Variants in PAICS observed in about 807,000 individuals in gnomAD.
PAICS encodes bifunctional phosphoribosylaminoimidazole carboxylase/phosphoribosylaminoimidazole succinocarboxamide synthetase.
In PAICS, 33 loss-of-function variants were observed where a neutral mutation model predicts 53.7. The observed-to-expected ratio is 0.61, with a 90% CI of 0.47 to 0.82. The LOEUF (loss-of-function observed/expected upper bound fraction) is 0.82, where lower values mean the gene tolerates loss of function less well. Ranked by LOEUF, PAICS falls within the 40% of genes least tolerant of loss-of-function variation. The pLI is 0.00. For synonymous variants in PAICS, 141 were observed against 167.2 expected (o/e 0.84, Z 1.21); for missense variants, 394 against 494.1 (o/e 0.80, Z 1.92).
At chr4:56,430,784 A>G (rs529587828), upstream of PAICS, among the ~76,000 whole-genome samples, 2 of 151,812 alleles carry the variant, frequency 1.3e-5, no homozygotes, top group African/African-American at 4.8e-5. Flanking sequence ...CTTACAATAT[A>G]TAAGTCTAGG....
intron 1 of PAICS, among the ~76,000 whole-genome samples, chr4:56,437,393 T>C (rs1261486163): frequency 1.3e-5 from 2 of 152,094 alleles, no homozygotes; most frequent in Non-Finnish European, 2.9e-5. Flanking sequence ...GTTCTTGCTA[T>C]TTATGCTGGA....
intron 2 of PAICS, among the ~76,000 whole-genome samples, chr4:56,446,115 CTGATA>C (rs1486442634): frequency 1.3e-5 from 2 of 152,068 alleles, no homozygotes; most frequent in Non-Finnish European, 2.9e-5. Flanking sequence ...AAATAGGCTC[CTGATA>C]TTTTTTAAAA....
chr4:56,420,162 A>G, the PAICS span: 1 of 213,516 alleles, frequency 4.7e-6, no homozygotes, highest in African/African-American at 2.4e-5. Context: ...ACTTTTTCAG[A>G]TTTTAGAGTA....
chr4:56,447,913 T>C (rs780358939), intron 3 of PAICS, among the ~76,000 whole-genome samples: 13 of 152,118 alleles, frequency 8.5e-5, no homozygotes, highest in Non-Finnish European at 1.9e-4. Flanking sequence ...CAGGCTGCTC[T>C]TGAACTCCTA....
chr4:56,452,043 G>T lies in PAICS; in HGVS notation c.943G>T (p.Glu315Ter), dbSNP rs762798410. The T allele has an allele frequency of 6.3e-7, 1 of 1,596,972 alleles. No homozygotes were observed. The highest frequency in any genetic ancestry group is 2.2e-5 in the East Asian group (1 of 44,690). Residue 315 changes from glutamate to a stop codon, truncating the protein, a stop_gained, in exon 7 of 9, where the codon GAG (glutamate) becomes TAG (stop). Transcript: ENST00000512576. LOFTEE classifies it high-confidence loss of function. Reference protein sequence around the residue: ...GPDETLRIKAEYEGDGIPTVF... With the variant: ...GPDETLRIKA ...AGATGAAACTCTGAGGATTAAAGCT[G>T]AGTATGAAGGTAAACCACAAGTAAT...
chr4:56,445,753 T>TA (rs1465145368), intron 2 of PAICS, among the ~76,000 whole-genome samples: 1 of 152,210 alleles, frequency 6.6e-6, no homozygotes, highest in Non-Finnish European at 1.5e-5. Flanking sequence ...TAATAAAAGT[T>TA]AGACTAGAGG....
the PAICS span, among the ~76,000 whole-genome samples, chr4:56,428,584 T>A: frequency 6.6e-6 from 1 of 152,082 alleles, no homozygotes; most frequent in South Asian, 2.1e-4. Context: ...GAAAACCAAC[T>A]CTCAGAACTG....
intron 8 of PAICS, among the ~76,000 whole-genome samples, chr4:56,458,189 G>A (rs1719322062): frequency 6.6e-6 from 1 of 152,050 alleles, no homozygotes; most frequent in African/African-American, 2.4e-5. Context: ...TAGAATTGGG[G>A]ATAATCTTTT....
the PAICS span, among the ~76,000 whole-genome samples, chr4:56,413,446 T>C: frequency 7.2e-5 from 11 of 151,962 alleles, no homozygotes; most frequent in East Asian, 2.2e-3. Context: ...TGAGGCACCA[T>C]GTCTGGCCAT....
rs1455434986 is a variant in PAICS at position 56,451,985 on chromosome 4, T to C, written c.885T>C (p.Cys295=). The C allele has an allele frequency of 1.2e-6, 2 of 1,609,026 alleles. No homozygotes were observed. Among genetic ancestry groups the C allele is most frequent in the Non-Finnish European group, 1.7e-6 (2 of 1,177,468 alleles). The change falls in exon 7 of 9, where the codon TGT becomes TGC. Residue 295 remains cysteine (C), a synonymous_variant. Coordinates refer to ENST00000512576, the MANE Select transcript of PAICS (RefSeq NM_001079524.2). ...CCTGTGGAAATTTTGGCATTCCATG[T>C]GAACTTCGAGTAACATCTGCGCATA... The part of the protein sequence containing the change: ...KKACGNFGIP[C]ELRVTSAHKG...
At position 56,459,048 on chromosome 4, in the gene PAICS, C is replaced by T. The variant is rs140957510; in HGVS notation, c.1112-324C>T. On this transcript the variant is annotated intron_variant, in intron 8 of 8. Transcript: ENST00000512576. Reference sequence around the variant, plus strand: ...CCCTTATTTTGCTTCAGTTGTTCTTCGCCAGGGATTGAAAGGGATAGTGTA... The same window carrying T: ...CCCTTATTTTGCTTCAGTTGTTCTTTGCCAGGGATTGAAAGGGATAGTGTA... Among the ~76,000 whole-genome samples, 380 of 152,208 alleles carry T rather than the reference C, an allele frequency of 2.5e-3. 1 individual carries two copies. The highest frequency in any genetic ancestry group is 8.5e-3 in the African/African-American group (355 of 41,534).
Position 56,453,662 on chromosome 4 carries a change from G to A in PAICS, c.1012G>A (p.Val338Met), listed in dbSNP as rs1342126641. ...VAGRSNGLGP[V>M]MSGNTAYPVI... The stretch of plus-strand genomic sequence containing the variant: ...AGGCAGAAGTAATGGTTTGGGACCA[G>A]TGATGTCTGGGAACACTGCATATCC... The change falls in exon 8 of 9, where the codon GTG (valine) becomes ATG (methionine). Residue 338 changes from valine (V) to methionine (M), a missense_variant. Around this residue, in one of 3 missense-constraint regions of PAICS, gnomAD observed 131 missense variants for 205.5 expected, o/e 0.64. Coordinates refer to ENST00000512576, the MANE Select transcript of PAICS (RefSeq NM_001079524.2). The A allele has an allele frequency of 1.5e-5, 23 of 1,575,268 alleles. No homozygotes were observed. Among genetic ancestry groups the A allele is most frequent in the Non-Finnish European group, 1.9e-5 (22 of 1,159,092 alleles).
chr4:56,453,822 T>C, intron 8 of PAICS, 61 bp downstream of exon 8: 1 of 1,155,424 alleles, frequency 8.7e-7, no homozygotes, highest in Non-Finnish European at 1.2e-6. Context: ...TGCACAACAG[T>C]AGACAGAATA....
At chr4:56,457,726 C>T (rs960689455) in intron 8 of PAICS, among the ~76,000 whole-genome samples, 1 of 147,268 alleles carries the variant, frequency 6.8e-6, no homozygotes, top group South Asian at 2.1e-4. Context: ...AATGCAATGG[C>T]GCAACCTCCG....
chr4:56,427,642 T>TAA, the PAICS span, among the ~76,000 whole-genome samples: 825 of 140,518 alleles, frequency 5.9e-3, 4 homozygotes, highest in Middle Eastern at 0.018. Flanking sequence ...CCCTGTCTCT[T>TAA]AAAAAAAAAA....
chr4:56,421,915 C>T, the PAICS span: 1 of 152,160 alleles, frequency 6.6e-6, no homozygotes, highest in Non-Finnish European at 1.5e-5. Flanking sequence ...GGTAGGGAAT[C>T]TAACTAATCA....
chr4:56,457,241 C>G (rs1043623578), intron 8 of PAICS, among the ~76,000 whole-genome samples: 3 of 151,994 alleles, frequency 2.0e-5, no homozygotes, highest in African/African-American at 7.2e-5. Context: ...GGCGAAACCC[C>G]ATCTCTACCA....
intron 7 of PAICS, 39 bp from the exon 8 acceptor site, chr4:56,453,564 T>G: frequency 6.9e-7 from 1 of 1,454,758 alleles, no homozygotes; most frequent in Non-Finnish European, 9.3e-7. Flanking sequence ...AAATCTGTTT[T>G]GAATGTTTAG....
At chr4:56,448,285 A>G (rs1718719539) in intron 3 of PAICS, 133 bp from the exon 4 acceptor site, 1 of 585,522 alleles carries the variant, frequency 1.7e-6, no homozygotes, top group East Asian at 2.9e-5. Context: ...GATTACAGGC[A>G]TGAGCCACCA....
Sources: gnomAD v4.1 joint callset for allele counts (sites outside exome capture counted in the v4.1 genomes callset) on GRCh38, gnomAD v4.1.1 for gene constraint, gnomAD v4.1.1 regional missense constraint, MANE v1.5 for transcripts, NCBI Gene and HGNC (gene_info 2026-07-23, HGNC 2026-07-21) for gene names.